NTSR1: variants seen among roughly 807,000 people sequenced by gnomAD.
NTSR1 encodes the protein neurotensin receptor 1, also known as neurotensin receptor type 1.
Under a neutral mutation model 31.2 loss-of-function variants are expected in NTSR1, and 29 were observed. That is an observed-to-expected ratio of 0.93 (90% CI 0.69 to 1.27). The LOEUF (loss-of-function observed/expected upper bound fraction) is 1.27. Ranked by LOEUF, NTSR1 falls within the 50% of genes most tolerant of loss-of-function variation. The probability of loss-of-function intolerance (pLI) is 0.00; values close to 1 mark genes in which losing one functional copy is unlikely to be tolerated. For synonymous variants in NTSR1, 282 were observed against 269.9 expected (o/e 1.04, Z -0.44); for missense variants, 697 against 595.4 (o/e 1.17, Z -1.78).
In NTSR1 at chr20:62,733,932, G is replaced by A. The variant is rs1236867001; in HGVS notation, c.715-20753G>A. On this transcript the variant is annotated intron_variant, in intron 1 of 3. Transcript: ENST00000370501. The surrounding 1 kb of genome is among the most constrained non-coding windows in gnomAD (Gnocchi z 5.2). ...GCTACTTTATCTCAATAGAGGATTC[G>A]AACAGCCCCCAGGCAGGGTCGCATT... Among the ~76,000 whole-genome samples the A allele has an allele frequency of 2.6e-5, 4 of 152,162 alleles. No individual in the cohort carries two copies. In the East Asian group the frequency reaches 5.8e-4, roughly 22 times the overall value.
Position 62,760,102 on chromosome 20 carries a change from C to T in NTSR1, c.1092C>T (p.Tyr364=), listed in dbSNP as rs765734376. ...GCTCCACCATCAACCCCATCCTGTA[C>T]AACCTCGTCTCTGCCAACTTCCGCC... is the stretch of plus-strand genomic sequence containing the variant. ...YVSSTINPIL[Y]NLVSANFRHI... is the part of the protein sequence containing the mutation. The change falls in exon 4 of 4, where the codon TAC becomes TAT. Residue 364 remains tyrosine, a synonymous_variant. Coordinates refer to ENST00000370501, the MANE Select transcript of NTSR1 (RefSeq NM_002531.3). 1.9e-6 allele frequency: 3 copies of T among 1,614,074 alleles called. No homozygotes were observed. The highest frequency in any genetic ancestry group is 2.7e-5 in the African/African-American group (2 of 74,924).
intron 1 of NTSR1, among the ~76,000 whole-genome samples, chr20:62,739,705 G>A (rs974363460): frequency 1.3e-4 from 20 of 152,140 alleles, no homozygotes; most frequent in South Asian, 4.1e-4. Flanking sequence ...TGTGGGACAC[G>A]GCGGCCAGCT....
intron 1 of NTSR1, among the ~76,000 whole-genome samples, chr20:62,752,252 C>T (rs926335171): frequency 6.6e-6 from 1 of 152,216 alleles, no homozygotes; most frequent in African/African-American, 2.4e-5. Context: ...CCCGCGCTGC[C>T]GATGGACGTG....
At chr20:62,729,810 A>G (rs1173712455) in intron 1 of NTSR1, among the ~76,000 whole-genome samples, 2 of 152,066 alleles carry the variant, frequency 1.3e-5, no homozygotes, top group African/African-American at 4.8e-5. Flanking sequence ...TTTGGTAGAG[A>G]CAGGGTTTCA....
chr20:62,761,087 C>T lies in NTSR1; in HGVS notation c.*820C>T, dbSNP rs967674216. ...ATCTTCAGCTGTGGCCTCTCGGGCT[C>T]GGCAGAAGGGACGCCGGATCAGGGG... is the stretch of plus-strand genomic sequence containing the variant. On this transcript the variant is annotated 3_prime_UTR_variant, in exon 4 of 4. Transcript: ENST00000370501. The T allele has an allele frequency of 1.3e-5, 2 of 152,296 alleles. No homozygotes were observed. The highest frequency in any genetic ancestry group is 2.9e-5 in the Non-Finnish European group (2 of 68,116). The allele number at this position is 152,296 out of a possible 1,614,324, so 9.4% of individuals were successfully genotyped here. A position where few individuals can be genotyped will look rare whatever the true frequency, so the allele number is the denominator to read the frequency against.
Position 62,715,971 on chromosome 20 carries a change from A to C in NTSR1, c.714+6050A>C, listed in dbSNP as rs1411947426. ...AGGCTGCCTTCGTTTTTCTCAATCA[A>C]ATCTCACGTGGTGATCTAGTAGTTT... On this transcript the variant is annotated intron_variant, in intron 1 of 3. Coordinates refer to ENST00000370501, the MANE Select transcript of NTSR1 (RefSeq NM_002531.3). This position sits in a 1 kb window ranked among gnomAD's most constrained non-coding sequence, Gnocchi z 4.7. 6.6e-6 allele frequency among the ~76,000 whole-genome samples: 1 copy of C among 152,082 alleles called. No homozygotes were observed. Among genetic ancestry groups the C allele is most frequent in the Non-Finnish European group, 1.5e-5 (1 of 68,022 alleles).
chr20:62,733,766 AGAG>A lies in NTSR1; in HGVS notation c.715-20915_715-20913del, dbSNP rs935757683. 6.6e-6 allele frequency among the ~76,000 whole-genome samples: 1 copy of A among 151,290 alleles called. No individual in the cohort carries two copies. The highest frequency in any genetic ancestry group is 1.5e-5 in the Non-Finnish European group (1 of 67,844). ...GAGACACAGAGAGAAAGGGAGGAACAGAGGAGAGAGAGGGGAGGAGGGGGAGGG... is the reference window on the plus strand; with the variant it reads ...GAGACACAGAGAGAAAGGGAGGAACAGAGAGAGAGGGGAGGAGGGGGAGGG... On this transcript the variant is annotated intron_variant, in intron 1 of 3. Coordinates refer to ENST00000370501, the MANE Select transcript of NTSR1 (RefSeq NM_002531.3). The surrounding 1 kb of genome is among the most constrained non-coding windows in gnomAD (Gnocchi z 5.2).
At chr20:62,747,647 C>T (rs944878100) in intron 1 of NTSR1, among the ~76,000 whole-genome samples, 3 of 152,100 alleles carry the variant, frequency 2.0e-5, no homozygotes, top group Non-Finnish European at 2.9e-5. Flanking sequence ...TAGCCAGAGC[C>T]ATTAAGCAAG....
chr20:62,740,590 G>T (rs1034029524), intron 1 of NTSR1, among the ~76,000 whole-genome samples: 54 of 152,214 alleles, frequency 3.5e-4, no homozygotes, highest in African/African-American at 1.3e-3. Flanking sequence ...CCAGAGCTGT[G>T]GACTCGAGCC....
rs2147131615 is a variant in NTSR1, at chr20:62,714,066, C to T, written c.714+4145C>T. Among the ~76,000 whole-genome samples, 1 of 152,338 alleles carries T rather than the reference C, an allele frequency of 6.6e-6. No homozygotes were observed. The highest frequency in any genetic ancestry group is 1.5e-5 in the Non-Finnish European group (1 of 68,036). On this transcript the variant is annotated intron_variant, in intron 1 of 3. Coordinates refer to ENST00000370501, the MANE Select transcript of NTSR1 (RefSeq NM_002531.3). The surrounding 1 kb of genome is among the most constrained non-coding windows in gnomAD (Gnocchi z 4.1). Reference sequence around the variant, plus strand: ...AGTGAGCCAAGATCACACCACTGCACTCCAGCCTGGGTGACAACTGTCTCA... The same window carrying T: ...AGTGAGCCAAGATCACACCACTGCATTCCAGCCTGGGTGACAACTGTCTCA...
intron 1 of NTSR1, among the ~76,000 whole-genome samples, chr20:62,719,563 G>A (rs116253700): frequency 0.01 from 1,190 of 118,880 alleles, 19 homozygotes; most frequent in African/African-American, 0.031. Context: ...GAAGCTCTGC[G>A]CCTGTTAAAC....
rs577019710 is a variant in NTSR1, at chr20:62,715,017, G to C, written c.714+5096G>C. On this transcript the variant is annotated intron_variant, in intron 1 of 3. Coordinates refer to ENST00000370501, the MANE Select transcript of NTSR1 (RefSeq NM_002531.3). The surrounding 1 kb of genome is among the most constrained non-coding windows in gnomAD (Gnocchi z 4.7). ...AGATTTACTGAAGCGTGATCTGGGG[G>C]AAGGGGCTGTGGGAGGGCTACAGAG... is the stretch of plus-strand genomic sequence containing the variant. Among the ~76,000 whole-genome samples the C allele has an allele frequency of 6.6e-6, 1 of 152,322 alleles. No individual in the cohort carries two copies. Among genetic ancestry groups the C allele is most frequent in the Admixed American group, 6.5e-5 (1 of 15,298 alleles).
intron 1 of NTSR1, among the ~76,000 whole-genome samples, chr20:62,747,553 A>G (rs1989322393): frequency 6.6e-6 from 1 of 151,672 alleles, no homozygotes. Context: ...AGCTAACACC[A>G]CACTCAGTGA....
chr20:62,742,382 G>A lies in NTSR1; in HGVS notation c.715-12303G>A, dbSNP rs1194959388. Among the ~76,000 whole-genome samples the A allele has an allele frequency of 6.7e-6, 1 of 149,450 alleles. No homozygotes were observed. Among genetic ancestry groups the A allele is most frequent in the East Asian group, 2.3e-4 (1 of 4,442 alleles). On this transcript the variant is annotated intron_variant, in intron 1 of 3. Coordinates refer to ENST00000370501, the MANE Select transcript of NTSR1 (RefSeq NM_002531.3). The surrounding 1 kb of genome is among the most constrained non-coding windows in gnomAD (Gnocchi z 7.1). ...CTTTCCAGGCCCCCATCCACCATGA[G>A]TCAGGCGTGTCCCCACTGGGCAGCA... is the stretch of plus-strand genomic sequence containing the variant.
rs1013321927 is a variant in NTSR1 at position 62,758,757 on chromosome 20, CTT to C, written c.1007+402_1007+403del. Reference sequence around the variant, plus strand: ...CCTGGAGTTATACTCAGGGCTGTGACTTATCGCAGCAAGAGCACCAATACTGA... The same window carrying C: ...CCTGGAGTTATACTCAGGGCTGTGACATCGCAGCAAGAGCACCAATACTGA... On this transcript the variant is annotated intron_variant, in intron 3 of 3. Coordinates refer to ENST00000370501, the MANE Select transcript of NTSR1 (RefSeq NM_002531.3). This position sits in a 1 kb window ranked among gnomAD's most constrained non-coding sequence, Gnocchi z 4.5. 3.3e-5 allele frequency among the ~76,000 whole-genome samples: 5 copies of C among 152,158 alleles called. No individual in the cohort carries two copies. The highest frequency in any genetic ancestry group is 1.2e-4 in the African/African-American group (5 of 41,430).
intron 1 of NTSR1, among the ~76,000 whole-genome samples, chr20:62,727,741 C>A (rs1465997110): frequency 6.6e-6 from 1 of 152,236 alleles, no homozygotes; most frequent in Non-Finnish European, 1.5e-5. Flanking sequence ...AAGCAGCAGC[C>A]CCTGGATCAG....
chr20:62,712,655 G>C (rs138940153), intron 1 of NTSR1, among the ~76,000 whole-genome samples: 6 of 152,200 alleles, frequency 3.9e-5, no homozygotes, highest in African/African-American at 1.4e-4. Flanking sequence ...GTGCCAGCAG[G>C]GTGACTGGGA....
In NTSR1 at chr20:62,754,926, C is replaced by G. The variant is rs769156143; in HGVS notation, c.916+40C>G. Reference sequence around the variant, plus strand: ...GGCCCTCCAGGGGCGGGAGGCAGGCCAGGGCTAGCAAAGGCAGCGAGCGCT... The same window carrying G: ...GGCCCTCCAGGGGCGGGAGGCAGGCGAGGGCTAGCAAAGGCAGCGAGCGCT... On this transcript the variant is annotated intron_variant, in intron 2 of 3. Coordinates refer to ENST00000370501, the MANE Select transcript of NTSR1 (RefSeq NM_002531.3). The G allele has an allele frequency of 4.6e-6, 7 of 1,530,976 alleles. No homozygotes were observed. In the Admixed American group the frequency reaches 9.6e-5, roughly 21 times the overall value. 94.8% of individuals were successfully genotyped at this position (1,530,976 alleles called of 1,614,324 possible). A position where few individuals can be genotyped will look rare whatever the true frequency, so the allele number is the denominator to read the frequency against.
At position 62,711,439 on chromosome 20, in the gene NTSR1, C is replaced by G. The variant is rs921740691; in HGVS notation, c.714+1518C>G. Among the ~76,000 whole-genome samples the G allele has an allele frequency of 6.6e-6, 1 of 152,184 alleles. No individual in the cohort carries two copies. The highest frequency in any genetic ancestry group is 2.4e-5 in the African/African-American group (1 of 41,446). ...GGCCAGGGGGAACCTCTCCCCAGTCCGCGTGGAGGGGCCCCAGGGGCGACA... is the reference window on the plus strand; with the variant it reads ...GGCCAGGGGGAACCTCTCCCCAGTCGGCGTGGAGGGGCCCCAGGGGCGACA... On this transcript the variant is annotated intron_variant, in intron 1 of 3. Transcript: ENST00000370501. This position sits in a 1 kb window ranked among gnomAD's most constrained non-coding sequence, Gnocchi z 6.4.
Sources: gnomAD v4.1 joint callset for allele counts (sites outside exome capture counted in the v4.1 genomes callset) on GRCh38, gnomAD v4.1.1 for gene constraint, Gnocchi (gnomAD v3.1) non-coding constraint, MANE v1.5 for transcripts, NCBI Gene and HGNC (gene_info 2026-07-23, HGNC 2026-07-21) for gene names.